The following BTBD9 variants were observed in gnomAD, a reference collection of about 807,000 sequenced individuals.
BTBD9 encodes the protein BTB/POZ domain-containing protein 9.
A neutral mutation model predicts 64.3 loss-of-function variants in BTBD9; 49 were observed. That is an observed-to-expected ratio of 0.76 (90% CI 0.61 to 0.97). The LOEUF (loss-of-function observed/expected upper bound fraction) is 0.97, where lower values mean the gene tolerates loss of function less well. BTBD9 is among the 50% of genes least tolerant of loss of function. The pLI, the probability that BTBD9 is intolerant of heterozygous loss-of-function variation, is 0.00. For missense variants in BTBD9, 598 were observed against 762.1 expected (o/e 0.78, Z 2.53); for synonymous variants, 260 against 274.7 (o/e 0.95, Z 0.53).
intron 7 of BTBD9, among the ~76,000 whole-genome samples, chr6:38,331,624 C>G (rs1258212911): frequency 6.6e-6 from 1 of 152,204 alleles, no homozygotes; most frequent in Non-Finnish European, 1.5e-5. Flanking sequence ...TTTGGGAGGT[C>G]AAGTTGGGAG....
At chr6:38,197,426 C>T (rs925820362) in intron 9 of BTBD9, among the ~76,000 whole-genome samples, 1 of 152,142 alleles carries the variant, frequency 6.6e-6, no homozygotes, top group African/African-American at 2.4e-5. Flanking sequence ...GTCACTGTCC[C>T]CTGGGTTTTA....
At chr6:38,258,767 G>A (rs948430065) in intron 8 of BTBD9, among the ~76,000 whole-genome samples, 3 of 152,186 alleles carry the variant, frequency 2.0e-5, no homozygotes, top group Admixed American at 6.5e-5. Flanking sequence ...GTGGGCACCT[G>A]TAATCCCAGC....
At chr6:38,635,955 T>A (rs1778514403) in intron 1 of BTBD9, among the ~76,000 whole-genome samples, 1 of 152,120 alleles carries the variant, frequency 6.6e-6, no homozygotes, top group African/African-American at 2.4e-5. Flanking sequence ...CTTTTCCAGT[T>A]CTCACTCTCC....
intron 6 of BTBD9, among the ~76,000 whole-genome samples, chr6:38,487,602 AG>A (rs1771513980): frequency 6.8e-6 from 1 of 147,316 alleles, no homozygotes; most frequent in African/African-American, 2.6e-5. Context: ...CGAGAGAGAG[AG>A]AGAGAGAGAG....
chr6:38,408,852 T>C (rs1767283885), intron 6 of BTBD9, among the ~76,000 whole-genome samples: 1 of 152,148 alleles, frequency 6.6e-6, no homozygotes, highest in African/African-American at 2.4e-5. Context: ...CAGTCCATTC[T>C]CAGGAAACAC....
intron 6 of BTBD9, among the ~76,000 whole-genome samples, chr6:38,471,547 CGTT>C (rs34176404): frequency 3.9e-5 from 6 of 151,924 alleles, no homozygotes; most frequent in Non-Finnish European, 5.9e-5. Context: ...AAAGGTTTTT[CGTT>C]GTTGTTGTTG....
At chr6:38,537,892 C>A (rs948108309) in intron 6 of BTBD9, among the ~76,000 whole-genome samples, 4 of 152,178 alleles carry the variant, frequency 2.6e-5, no homozygotes, top group African/African-American at 9.7e-5. Context: ...CTGTACTCTG[C>A]TATCACCAAG....
chr6:38,308,570 T>C (rs1762710673), intron 7 of BTBD9, among the ~76,000 whole-genome samples: 1 of 152,232 alleles, frequency 6.6e-6, no homozygotes, highest in South Asian at 2.1e-4. Flanking sequence ...TTCAAATTGT[T>C]GCAGGATTGC....
intron 9 of BTBD9, among the ~76,000 whole-genome samples, chr6:38,217,267 C>T (rs1386246199): frequency 2.1e-5 from 3 of 142,060 alleles, no homozygotes; most frequent in Non-Finnish European, 3.0e-5. Context: ...TGCAGTGAGC[C>T]GAGATAATGC....
intron 8 of BTBD9, among the ~76,000 whole-genome samples, chr6:38,287,112 A>C (rs1761765622): frequency 1.8e-5 from 1 of 55,062 alleles, no homozygotes; most frequent in Non-Finnish European, 4.3e-5. Context: ...AAAAATATAC[A>C]CACACACACA....
At chr6:38,518,992 A>C (rs1773163102) in intron 6 of BTBD9, among the ~76,000 whole-genome samples, 1 of 152,238 alleles carries the variant, frequency 6.6e-6, no homozygotes, top group Non-Finnish European at 1.5e-5. Flanking sequence ...TCAGTGAAGG[A>C]CATCAGAGGC....
intron 9 of BTBD9, among the ~76,000 whole-genome samples, chr6:38,198,980 CTTTGA>C (rs1762363926): frequency 6.6e-6 from 1 of 152,086 alleles, no homozygotes; most frequent in African/African-American, 2.4e-5. Context: ...CACCAGCTAC[CTTTGA>C]AGGTGGAGGT....
At chr6:38,565,434 A>G (rs765214668) in intron 6 of BTBD9, among the ~76,000 whole-genome samples, 4 of 152,130 alleles carry the variant, frequency 2.6e-5, no homozygotes, top group Non-Finnish European at 5.9e-5. Context: ...CCCAGTTGAG[A>G]ACCACTGTTC....
chr6:38,293,113 T>C (rs1762023338), intron 7 of BTBD9, among the ~76,000 whole-genome samples: 1 of 152,150 alleles, frequency 6.6e-6, no homozygotes, highest in East Asian at 1.9e-4. Context: ...TCAGTTTCCA[T>C]GTAGTTGTGC....
chr6:38,353,963 T>G (rs527863128), intron 6 of BTBD9, among the ~76,000 whole-genome samples: 1 of 152,202 alleles, frequency 6.6e-6, no homozygotes, highest in Non-Finnish European at 1.5e-5. Flanking sequence ...TAATTGTAAC[T>G]TAAAAGTTTA....
intron 6 of BTBD9, among the ~76,000 whole-genome samples, chr6:38,511,848 T>G (rs1772790248): frequency 6.6e-6 from 1 of 152,180 alleles, no homozygotes; most frequent in African/African-American, 2.4e-5. Flanking sequence ...GGCGCAGTTC[T>G]GGGAAGGACT....
chr6:38,374,269 G>T (rs1484646397), intron 6 of BTBD9, among the ~76,000 whole-genome samples: 1 of 48,888 alleles, frequency 2.0e-5, no homozygotes, highest in Non-Finnish European at 3.8e-5. Flanking sequence ...GCCTTGTGTC[G>T]AAAAAAAAAA....
chr6:38,499,890 T>C (rs530261440), intron 6 of BTBD9, among the ~76,000 whole-genome samples: 3 of 152,348 alleles, frequency 2.0e-5, no homozygotes, highest in African/African-American at 7.2e-5. Flanking sequence ...GTCAGAGCGC[T>C]GAATAAGTTT....
chr6:38,530,469 C>T (rs559185311), intron 6 of BTBD9, among the ~76,000 whole-genome samples: 1 of 152,252 alleles, frequency 6.6e-6, no homozygotes, highest in Admixed American at 6.5e-5. Context: ...AGGTGGGCAT[C>T]ACGGTCCTAC....
Sources: allele counts gnomAD v4.1 joint callset (sites outside exome capture counted in the v4.1 genomes callset), GRCh38; gene constraint gnomAD v4.1.1; transcripts MANE v1.5; gene names NCBI Gene and HGNC (gene_info 2026-07-23, HGNC 2026-07-21).